Variants in CCDC181 observed in about 807,000 individuals in gnomAD.
The protein encoded by CCDC181 is coiled-coil domain-containing protein 181.
A neutral mutation model predicts 58.7 loss-of-function variants in CCDC181; 35 were observed. The ratio of observed to expected loss-of-function variants is 0.60; its 90% confidence interval spans 0.46 to 0.79. CCDC181 has a LOEUF of 0.79. Ranked by LOEUF, CCDC181 falls within the 30% of genes least tolerant of loss-of-function variation. CCDC181 has a pLI of 0.00. For synonymous variants in CCDC181, 183 were observed against 197.5 expected (o/e 0.93, Z 0.62); for missense variants, 517 against 583.9 (o/e 0.89, Z 1.18).
At chr1:169,453,924 G>C (rs992756787) in intron 2 of CCDC181, among the ~76,000 whole-genome samples, 7 of 151,820 alleles carry the variant, frequency 4.6e-5, no homozygotes, top group African/African-American at 1.7e-4. Context: ...CCTTACTTGT[G>C]GTGGGCTTCT....
rs1215551546 is a variant in CCDC181, at chr1:169,422,251, C to T, written c.180G>A (p.Glu60=). The part of the protein sequence containing the change: ...QDLKENETVM[E]HTKRHSDPDK... ...CAGGATCAGAATGCCGTTTGGTGTG[C>T]TCCATTACTGTCTCATTCTCTTTTA... The change falls in exon 3 of 6, where the codon GAG becomes GAA. Residue 60 remains glutamate (E), a synonymous_variant. Coordinates refer to ENST00000367806, the MANE Select transcript of CCDC181 (RefSeq NM_001300969.2). 1 of 1,609,108 alleles carries T rather than the reference C, an allele frequency of 6.2e-7. No homozygotes were observed. Among genetic ancestry groups the T allele is most frequent in the Non-Finnish European group, 8.5e-7 (1 of 1,176,206 alleles).
At chr1:169,418,709 TG>T (rs1402450309) in intron 4 of CCDC181, 9 of 381,840 alleles carry the variant, frequency 2.4e-5, no homozygotes, top group South Asian at 9.6e-5. Flanking sequence ...TAGGGTTTTG[TG>T]GGGGGGTGTG....
chr1:169,402,483 G>A (rs1655407479), intron 4 of CCDC181, among the ~76,000 whole-genome samples: 1 of 152,176 alleles, frequency 6.6e-6, no homozygotes, highest in African/African-American at 2.4e-5. Context: ...CAAGCCAGAA[G>A]AGAGTGGGGG....
intron 4 of CCDC181, among the ~76,000 whole-genome samples, chr1:169,410,381 G>A (rs186147836): frequency 1.3e-5 from 2 of 152,250 alleles, no homozygotes; most frequent in Non-Finnish European, 2.9e-5. Context: ...GGAGCACCCA[G>A]ATGCATAAAG....
Position 169,427,437 on chromosome 1 carries a change from T to G in CCDC181, c.-173A>C, listed in dbSNP as rs543037916. On this transcript the variant is annotated 5_prime_UTR_variant, in exon 1 of 6. Transcript: ENST00000367806. Reference sequence around the variant, plus strand: ...CACACTGCCATGGCAACAGCGTGCCTCTGCGTCCTCCATCCGGGCCTCTCT... The same window carrying G: ...CACACTGCCATGGCAACAGCGTGCCGCTGCGTCCTCCATCCGGGCCTCTCT... 12 of 152,540 alleles carry G rather than the reference T, an allele frequency of 7.9e-5. No individual in the cohort carries two copies. Among genetic ancestry groups the G allele is most frequent in the African/African-American group, 2.9e-4 (12 of 41,570 alleles). 9.4% of individuals were successfully genotyped at this position (152,540 alleles called of 1,614,324 possible).
At chr1:169,445,141 A>G (rs371971693) in intron 2 of CCDC181, among the ~76,000 whole-genome samples, 39 of 152,068 alleles carry the variant, frequency 2.6e-4, no homozygotes, top group African/African-American at 8.7e-4. Flanking sequence ...GCCTGGAACG[A>G]TCTTCTGCAG....
chr1:169,425,067 C>G (rs1271682392), intron 1 of CCDC181, 117 bp from the exon 2 acceptor site: 3 of 468,992 alleles, frequency 6.4e-6, no homozygotes, highest in Non-Finnish European at 1.2e-5. Context: ...ATAGAATGTT[C>G]AAAATGAACA....
At chr1:169,417,554 T>G (rs1420616132) in intron 4 of CCDC181, among the ~76,000 whole-genome samples, 4 of 152,040 alleles carry the variant, frequency 2.6e-5, no homozygotes, top group African/African-American at 7.2e-5. Flanking sequence ...ACCCTGCAGC[T>G]TGGGGATTTT....
chr1:169,456,305 T>A (rs765714483), intron 2 of CCDC181, among the ~76,000 whole-genome samples: 1 of 152,196 alleles, frequency 6.6e-6, no homozygotes, highest in Non-Finnish European at 1.5e-5. Flanking sequence ...ACAGATGCAC[T>A]GTGCAACCCT....
At chr1:169,405,437 T>C (rs969070421) in intron 4 of CCDC181, among the ~76,000 whole-genome samples, 1 of 152,192 alleles carries the variant, frequency 6.6e-6, no homozygotes, top group Non-Finnish European at 1.5e-5. Context: ...CAAAACAGCA[T>C]GGTACTGGTA....
At chr1:169,439,148 A>G (rs1297678532) in intron 2 of CCDC181, among the ~76,000 whole-genome samples, 1 of 151,956 alleles carries the variant, frequency 6.6e-6, no homozygotes, top group South Asian at 2.1e-4. Context: ...ACCCCATGGT[A>G]GAGCTACAGA....
At chr1:169,424,204 G>A (rs1418280340) in intron 2 of CCDC181, among the ~76,000 whole-genome samples, 1 of 151,772 alleles carries the variant, frequency 6.6e-6, no homozygotes, top group Non-Finnish European at 1.5e-5. Context: ...AACCTACCTT[G>A]ATGCAGGAAC....
upstream of CCDC181, among the ~76,000 whole-genome samples, chr1:169,430,410 T>C (rs539780007): frequency 2.0e-5 from 3 of 152,362 alleles, no homozygotes; most frequent in South Asian, 4.1e-4. Context: ...ATAGTGATTC[T>C]ACCCATCTAT....
At chr1:169,444,629 T>C (rs185162529) in intron 2 of CCDC181, among the ~76,000 whole-genome samples, 1 of 152,212 alleles carries the variant, frequency 6.6e-6, no homozygotes. Flanking sequence ...GGGATTTTTT[T>C]AAATTTGAAT....
At chr1:169,428,261 G>C (rs926378515), upstream of CCDC181, among the ~76,000 whole-genome samples, 2 of 152,068 alleles carry the variant, frequency 1.3e-5, no homozygotes, top group African/African-American at 2.4e-5. Flanking sequence ...CCTAGATGTG[G>C]TGTAGTTGTA....
intron 2 of CCDC181, among the ~76,000 whole-genome samples, chr1:169,434,412 C>T (rs974776829): frequency 1.3e-5 from 2 of 151,920 alleles, no homozygotes; most frequent in South Asian, 4.1e-4. Flanking sequence ...ACCATATGAT[C>T]CAGCAATCCC....
intron 1 of CCDC181, among the ~76,000 whole-genome samples, 171 bp from the exon 2 acceptor site, chr1:169,425,121 C>A (rs1439965504): frequency 2.6e-5 from 4 of 152,012 alleles, no homozygotes; most frequent in Admixed American, 2.6e-4. Flanking sequence ...AATGGCAAGA[C>A]ATTTCCATAG....
upstream of CCDC181, among the ~76,000 whole-genome samples, chr1:169,428,775 C>A (rs10465577): frequency 0.045 from 6,804 of 152,204 alleles, 213 homozygotes; most frequent in East Asian, 0.12. Context: ...TGTGCCTTAG[C>A]CCCCAGAGTA....
rs1557870194 is a variant in CCDC181, at chr1:169,421,561, A to G, written c.870T>C (p.Tyr290=). The change falls in exon 3 of 6, where the codon TAT becomes TAC. Residue 290 remains tyrosine, a synonymous_variant. Transcript: ENST00000367806. ...TGCGGTTGAGTGGTGGCTGAGCGAT[A>G]TAAGCCAGCGGCTCTCCTGTTGATG... ...THSSTGEPLA[Y]IAQPPLNRKT... is the part of the protein sequence containing the mutation. The G allele has an allele frequency of 6.2e-7, 1 of 1,614,160 alleles. No homozygotes were observed. The highest frequency in any genetic ancestry group is 1.1e-5 in the South Asian group (1 of 91,082).
Sources: allele counts gnomAD v4.1 joint callset (sites outside exome capture counted in the v4.1 genomes callset), GRCh38; gene constraint gnomAD v4.1.1; transcripts MANE v1.5; gene names NCBI Gene and HGNC (gene_info 2026-07-23, HGNC 2026-07-21).